RARB: variants seen among roughly 807,000 people sequenced by gnomAD.
RARB encodes HBV-activated protein.
RARB carries 17 observed loss-of-function variants against 51.9 expected under a neutral mutation model. The ratio of observed to expected loss-of-function variants is 0.33; its 90% CI spans 0.22 to 0.49. The LOEUF (loss-of-function observed/expected upper bound fraction) is 0.49. Among genes scored for constraint, RARB ranks in the 20% least tolerant of loss-of-function variants. The pLI is 0.99. For synonymous variants in RARB, 215 were observed against 195.4 expected, an observed-to-expected ratio of 1.10 and a Z score of -0.84; for missense variants, 369 against 550.8, an observed-to-expected ratio of 0.67 and a Z score of 3.30.
At chr3:25,353,384 G>A (rs1705635761) in intron 5 of RARB, among the ~76,000 whole-genome samples, 1 of 152,138 alleles carries the variant, frequency 6.6e-6, no homozygotes, top group Admixed American at 6.6e-5. Context: ...AATCATGAAT[G>A]AGTGAATCAA....
At chr3:25,197,677 T>C (rs1701279368) in intron 5 of RARB, among the ~76,000 whole-genome samples, 1 of 152,024 alleles carries the variant, frequency 6.6e-6, no homozygotes, top group South Asian at 2.1e-4. Context: ...ATGGAATTAC[T>C]TTCTTGATTT....
chr3:25,093,710 T>G (rs574334880), intron 3 of RARB, among the ~76,000 whole-genome samples: 1 of 152,098 alleles, frequency 6.6e-6, no homozygotes, highest in Admixed American at 6.6e-5. Context: ...CGGGGTTTTT[T>G]TTTGCATGTC....
At chr3:25,029,891 A>G (rs1697832460) in intron 2 of RARB, among the ~76,000 whole-genome samples, 1 of 152,246 alleles carries the variant, frequency 6.6e-6, no homozygotes, top group Admixed American at 6.5e-5. Context: ...ACTGGGCCCA[A>G]GAAATCATAT....
At chr3:25,370,072 A>G (rs1706252480) in intron 5 of RARB, among the ~76,000 whole-genome samples, 1 of 152,190 alleles carries the variant, frequency 6.6e-6, no homozygotes. Context: ...TTACAGAGAG[A>G]GTGTGTCATG....
At chr3:24,961,871 G>A (rs538135684) in intron 2 of RARB, among the ~76,000 whole-genome samples, 12 of 150,086 alleles carry the variant, frequency 8.0e-5, no homozygotes, top group African/African-American at 2.4e-4. Context: ...TTATAAGTGC[G>A]TACGTGAGAA....
intron 4 of RARB, among the ~76,000 whole-genome samples, chr3:25,134,372 C>A (rs879488896): frequency 6.6e-6 from 1 of 151,876 alleles, no homozygotes; most frequent in African/African-American, 2.4e-5. Context: ...GGGTTTCCAT[C>A]TAGGTTTTGC....
chr3:25,111,592 T>TG (rs1202124095), intron 3 of RARB, among the ~76,000 whole-genome samples: 14 of 150,086 alleles, frequency 9.3e-5, no homozygotes, highest in Admixed American at 3.3e-4. Flanking sequence ...GGTTTTTTTT[T>TG]TTTTTTTTTT....
At chr3:25,595,639 G>A (rs532677629) in intron 7 of RARB, among the ~76,000 whole-genome samples, 1 of 152,342 alleles carries the variant, frequency 6.6e-6, no homozygotes, top group East Asian at 1.9e-4. Flanking sequence ...GAAATAATCT[G>A]TACTGTCCAG....
intron 2 of RARB, among the ~76,000 whole-genome samples, chr3:25,018,281 G>A (rs1315067261): frequency 6.6e-6 from 1 of 152,166 alleles, no homozygotes; most frequent in Non-Finnish European, 1.5e-5. Flanking sequence ...TATAGGCCAT[G>A]ATAGGCAGGT....
intron 5 of RARB, among the ~76,000 whole-genome samples, chr3:25,331,934 A>G (rs1314931337): frequency 1.3e-5 from 2 of 152,178 alleles, no homozygotes; most frequent in African/African-American, 2.4e-5. Flanking sequence ...GAAGAAATGG[A>G]TAAATACCTG....
At chr3:25,244,988 C>T (rs139813101) in intron 5 of RARB, among the ~76,000 whole-genome samples, 4,007 of 152,238 alleles carry the variant, frequency 0.026, 75 homozygotes, top group Middle Eastern at 0.044. Flanking sequence ...TCTGGGTGCT[C>T]CCGTATTGGG....
chr3:25,439,679 T>C (rs1407958226), intron 1 of RARB, among the ~76,000 whole-genome samples: 1 of 152,226 alleles, frequency 6.6e-6, no homozygotes, highest in Non-Finnish European at 1.5e-5. Context: ...ATTACAGGTG[T>C]GAGCCACTGT....
At chr3:25,203,631 T>G (rs1246216193) in intron 5 of RARB, among the ~76,000 whole-genome samples, 1 of 152,196 alleles carries the variant, frequency 6.6e-6, no homozygotes, top group Non-Finnish European at 1.5e-5. Context: ...GGCCTGGTGG[T>G]GACAAAATCT....
Position 25,221,325 on chromosome 3 carries a change from A to T in RARB, c.178+46750A>T, listed in dbSNP as rs149885706. Among the ~76,000 whole-genome samples, 299 of 151,494 alleles carry T rather than the reference A, an allele frequency of 2.0e-3. 2 individuals are homozygous for T. The highest frequency in any genetic ancestry group is 7.0e-3 in the African/African-American group (285 of 40,776). ...CTGTCCTTACGCTATGTGCTAAGTT[A>T]GTTCATAACTGAGTGCTACTAAGGT... On this transcript the variant is annotated intron_variant, in intron 5 of 11. Transcript: ENST00000383772.
intron 5 of RARB, among the ~76,000 whole-genome samples, chr3:25,291,290 T>C (rs1366458433): frequency 6.6e-6 from 1 of 152,186 alleles, no homozygotes; most frequent in Non-Finnish European, 1.5e-5. Flanking sequence ...ACGCTGTGCA[T>C]TCTGTAAAAT....
At chr3:25,141,382 A>G (rs1700104184) in intron 4 of RARB, among the ~76,000 whole-genome samples, 1 of 151,986 alleles carries the variant, frequency 6.6e-6, no homozygotes, top group Non-Finnish European at 1.5e-5. Context: ...CTATGTCTTC[A>G]GTGGTTTTTG....
Position 25,575,925 on chromosome 3 carries a change from A to G in RARB, c.610-4621A>G, listed in dbSNP as rs1305640399. ...TTTCCATGCTTGCCGCTCTCTGCAA[A>G]GTCTAGCTGGAGATCAAATTTTGTC... On this transcript the variant is annotated intron_variant, in intron 4 of 7. Transcript: ENST00000330688. Among the ~76,000 whole-genome samples the G allele has an allele frequency of 2.6e-5, 4 of 152,164 alleles. No individual in the cohort carries two copies. In the East Asian group the frequency reaches 7.7e-4, roughly 29 times the overall value.
chr3:25,215,543 G>T (rs1022565689), intron 5 of RARB, among the ~76,000 whole-genome samples: 1 of 152,176 alleles, frequency 6.6e-6, no homozygotes, highest in Non-Finnish European at 1.5e-5. Flanking sequence ...GGGCAAGAAG[G>T]CCTGTGGTTG....
intron 1 of RARB, among the ~76,000 whole-genome samples, chr3:25,452,405 G>T (rs1489656493): frequency 8.3e-6 from 1 of 120,950 alleles, no homozygotes; most frequent in East Asian, 2.6e-4. Context: ...CGTAAGCCCA[G>T]ACAGGTGTAG....
Sources: allele counts gnomAD v4.1 joint callset (sites outside exome capture counted in the v4.1 genomes callset), GRCh38; gene constraint gnomAD v4.1.1; transcripts MANE v1.5; gene names NCBI Gene and HGNC (gene_info 2026-07-23, HGNC 2026-07-21).